IRGM: variants seen among roughly 807,000 people sequenced by gnomAD.
IRGM encodes the protein immunity related GTPase M.
For missense variants in IRGM, 288 were observed against 219.9 expected, an observed-to-expected ratio of 1.31 and a Z score of -1.96; for synonymous variants, 98 against 80.6, an observed-to-expected ratio of 1.22 and a Z score of -1.16.
intron 1 of IRGM, among the ~76,000 whole-genome samples, chr5:150,871,823 C>T (rs76837354): frequency 0.032 from 4,824 of 152,298 alleles, 248 homozygotes; most frequent in African/African-American, 0.11. Context: ...ATCACATTGT[C>T]TAACCTCATA....
chr5:150,901,058 T>C (rs1581663112), downstream of IRGM, among the ~76,000 whole-genome samples: 1 of 152,038 alleles, frequency 6.6e-6, no homozygotes, highest in South Asian at 2.1e-4. Flanking sequence ...GGGAAGTAGG[T>C]GTTAAAGGCT....
chr5:150,895,706 ATG>A, intron 3 of IRGM: 1 of 1,613,494 alleles, frequency 6.2e-7, no homozygotes, highest in South Asian at 1.1e-5. Context: ...GAATTCTCTG[ATG>A]TCCAATGAGA....
intron 3 of IRGM, chr5:150,896,990 T>C: frequency 6.3e-7 from 1 of 1,585,884 alleles, no homozygotes; most frequent in Non-Finnish European, 8.6e-7. Flanking sequence ...GAAGAAAAGA[T>C]ACAATTTAAG....
chr5:150,853,383 G>GA (rs1368836719), downstream of IRGM, among the ~76,000 whole-genome samples: 12 of 152,118 alleles, frequency 7.9e-5, no homozygotes, highest in East Asian at 1.4e-3. Flanking sequence ...ATTCACTTAA[G>GA]AAAAAAACCA....
intron 2 of IRGM, among the ~76,000 whole-genome samples, chr5:150,879,233 A>G (rs1754410052): frequency 6.6e-6 from 1 of 152,228 alleles, no homozygotes; most frequent in Non-Finnish European, 1.5e-5. Flanking sequence ...ATTTAATTGC[A>G]TGCCAGTGTT....
At chr5:150,872,684 C>T (rs915353597) in intron 1 of IRGM, among the ~76,000 whole-genome samples, 2 of 152,132 alleles carry the variant, frequency 1.3e-5, no homozygotes, top group South Asian at 4.1e-4. Context: ...TGTTGCAGCT[C>T]AGGAAGTTAA....
chr5:150,902,346 TGAGA>T (rs1755020492), downstream of IRGM, among the ~76,000 whole-genome samples: 1 of 152,202 alleles, frequency 6.6e-6, no homozygotes, highest in Non-Finnish European at 1.5e-5. Context: ...ATGGCTTTTT[TGAGA>T]GAAATACATA....
downstream of IRGM, among the ~76,000 whole-genome samples, chr5:150,852,086 C>T (rs886969565): frequency 6.6e-6 from 1 of 152,204 alleles, no homozygotes; most frequent in South Asian, 2.1e-4. Flanking sequence ...ATTGCTGTTT[C>T]TCTGCTTGCT....
At chr5:150,851,230 C>A (rs564378297), downstream of IRGM, among the ~76,000 whole-genome samples, 1 of 152,268 alleles carries the variant, frequency 6.6e-6, no homozygotes, top group East Asian at 1.9e-4. Flanking sequence ...ACCCTCCTAC[C>A]GTTGGTCTTG....
chr5:150,883,596 A>G (rs1236348483), intron 3 of IRGM, among the ~76,000 whole-genome samples: 1 of 152,040 alleles, frequency 6.6e-6, no homozygotes, highest in Non-Finnish European at 1.5e-5. Flanking sequence ...AAGGATTATG[A>G]GACTACTATG....
intron 3 of IRGM, among the ~76,000 whole-genome samples, chr5:150,885,455 GAAT>G (rs1284139174): frequency 6.6e-6 from 1 of 152,004 alleles, no homozygotes; most frequent in African/African-American, 2.4e-5. Context: ...GTTCTCTGAA[GAAT>G]ATCCTTGGTA....
At chr5:150,889,258 T>C (rs147260886) in intron 3 of IRGM, among the ~76,000 whole-genome samples, 75 of 152,180 alleles carry the variant, frequency 4.9e-4, no homozygotes, top group African/African-American at 1.7e-3. Context: ...CAGTTCCACA[T>C]GGCTGGGGAG....
chr5:150,848,806 T>G (rs1402965642), downstream of IRGM: 13 of 660,694 alleles, frequency 2.0e-5, no homozygotes, highest in Non-Finnish European at 2.8e-5. Flanking sequence ...TGTGGTTGTG[T>G]TGTTCTTTGA....
At chr5:150,859,101 A>G (rs901589788) in intron 1 of IRGM, among the ~76,000 whole-genome samples, 1 of 152,190 alleles carries the variant, frequency 6.6e-6, no homozygotes, top group Non-Finnish European at 1.5e-5. Flanking sequence ...GATACGTCCC[A>G]TCAATACCTA....
chr5:150,885,677 A>G (rs1010141193), intron 3 of IRGM, among the ~76,000 whole-genome samples: 3 of 151,978 alleles, frequency 2.0e-5, no homozygotes, highest in Non-Finnish European at 2.9e-5. Flanking sequence ...TTTTATGGCA[A>G]TTGTGAAAGG....
intron 1 of IRGM, among the ~76,000 whole-genome samples, chr5:150,854,271 A>G (rs1046183574): frequency 4.6e-5 from 7 of 152,104 alleles, no homozygotes; most frequent in African/African-American, 1.7e-4. Context: ...TTGTGTACCT[A>G]TTAACATGGA....
intron 1 of IRGM, among the ~76,000 whole-genome samples, chr5:150,854,911 A>G (rs554647857): frequency 6.6e-6 from 1 of 152,294 alleles, no homozygotes; most frequent in South Asian, 2.1e-4. Flanking sequence ...TCAAAGTCCC[A>G]TAATGTTTTA....
chr5:150,855,212 T>A (rs1306192678), intron 1 of IRGM, among the ~76,000 whole-genome samples: 1 of 152,186 alleles, frequency 6.6e-6, no homozygotes. Flanking sequence ...TCCTAGTATA[T>A]CTTTGTTGAT....
chr5:150,897,989 A>AT (rs2113020184), intron 3 of IRGM: 2 of 1,525,988 alleles, frequency 1.3e-6, no homozygotes, highest in Admixed American at 4.3e-5. Flanking sequence ...AGAATAGGAG[A>AT]TTTTGATAAG....
Sources: gnomAD v4.1 joint callset for allele counts (sites outside exome capture counted in the v4.1 genomes callset) on GRCh38, gnomAD v4.1.1 for gene constraint, MANE v1.5 for transcripts, NCBI Gene and HGNC (gene_info 2026-07-23, HGNC 2026-07-21) for gene names.